MAPK10: variants seen among roughly 807,000 people sequenced by gnomAD.
MAPK10 encodes the protein mitogen-activated protein kinase 10.
MAPK10 carries 25 observed loss-of-function variants against 59.3 expected under a neutral mutation model. The observed-to-expected ratio is 0.42, with a 90% CI of 0.31 to 0.59. MAPK10 has a LOEUF of 0.59. Ranked by LOEUF, MAPK10 falls within the 20% of genes least tolerant of loss-of-function variation. MAPK10 has a pLI of 0.15. For missense variants in MAPK10, 351 were observed against 568.9 expected (o/e 0.62, Z 3.90); for synonymous variants, 190 against 200.5 (o/e 0.95, Z 0.44).
chr4:86,317,990 C>T (rs776032123), intron 2 of MAPK10, among the ~76,000 whole-genome samples: 14 of 152,294 alleles, frequency 9.2e-5, no homozygotes, highest in Admixed American at 3.9e-4. Context: ...TCACTCCAGT[C>T]TCTGCCTCTG....
intron 1 of MAPK10, among the ~76,000 whole-genome samples, chr4:86,507,725 T>C (rs1469994431): frequency 7.3e-6 from 1 of 137,308 alleles, no homozygotes; most frequent in Non-Finnish European, 1.5e-5. Context: ...AGCAATGGCA[T>C]ACAGTGGTAT....
At chr4:86,357,598 G>A (rs191997244) in intron 1 of MAPK10, 1 of 152,206 alleles carries the variant, frequency 6.6e-6, no homozygotes, top group African/African-American at 2.4e-5. Context: ...TATAGACCAT[G>A]TACTATGAAA....
intron 1 of MAPK10, among the ~76,000 whole-genome samples, chr4:86,440,599 G>A (rs1289699524): frequency 6.7e-6 from 1 of 149,856 alleles, no homozygotes; most frequent in East Asian, 2.0e-4. Flanking sequence ...CTGCACTCAA[G>A]CCTGGGTGAC....
chr4:86,069,506 A>T (rs1392939301), intron 9 of MAPK10, among the ~76,000 whole-genome samples: 1 of 152,114 alleles, frequency 6.6e-6, no homozygotes, highest in Non-Finnish European at 1.5e-5. Context: ...AAACTAAAAC[A>T]TTATATAAGG....
At chr4:86,588,700 G>C (rs1293130942) in intron 1 of MAPK10, among the ~76,000 whole-genome samples, 1 of 152,144 alleles carries the variant, frequency 6.6e-6, no homozygotes, top group Non-Finnish European at 1.5e-5. Context: ...AATTGTGAAA[G>C]ACATTGAAAT....
intron 2 of MAPK10, among the ~76,000 whole-genome samples, chr4:86,293,995 T>A (rs772378228): frequency 6.6e-5 from 10 of 152,240 alleles, no homozygotes; most frequent in Non-Finnish European, 1.3e-4. Context: ...ACAGGGAACA[T>A]GTATAACCAG....
intron 1 of MAPK10, among the ~76,000 whole-genome samples, chr4:86,492,170 C>T (rs1754504523): frequency 6.6e-6 from 1 of 152,044 alleles, no homozygotes; most frequent in African/African-American, 2.4e-5. Context: ...AGTAAGAATA[C>T]TGTCTTCAGA....
At chr4:86,155,076 A>G (rs921782934) in intron 4 of MAPK10, among the ~76,000 whole-genome samples, 5 of 152,082 alleles carry the variant, frequency 3.3e-5, no homozygotes, top group Non-Finnish European at 7.4e-5. Flanking sequence ...TGATTAAATC[A>G]GAGTGCGGAT....
intron 2 of MAPK10, among the ~76,000 whole-genome samples, chr4:86,267,662 C>T (rs1219074849): frequency 1.3e-5 from 2 of 152,058 alleles, no homozygotes; most frequent in African/African-American, 2.4e-5. Flanking sequence ...AACACACACC[C>T]GTTTCATGAT....
At chr4:86,356,590 G>T in intron 1 of MAPK10, 1 of 267,390 alleles carries the variant, frequency 3.7e-6, no homozygotes, top group Non-Finnish European at 5.8e-6. Flanking sequence ...GCCTTGATCG[G>T]TTCATGAGGA....
At chr4:86,237,474 A>G (rs1463263271) in intron 2 of MAPK10, among the ~76,000 whole-genome samples, 1 of 152,168 alleles carries the variant, frequency 6.6e-6, no homozygotes, top group Non-Finnish European at 1.5e-5. Context: ...TCCCACCAAC[A>G]GTATAAAAGC....
intron 9 of MAPK10, among the ~76,000 whole-genome samples, chr4:86,088,067 C>T (rs146347037): frequency 2.9e-4 from 44 of 152,206 alleles, no homozygotes; most frequent in African/African-American, 1.0e-3. Context: ...TCATAAGTGA[C>T]TAAGTGTAGA....
intron 13 of MAPK10, among the ~76,000 whole-genome samples, chr4:86,021,829 C>G (rs1448692979): frequency 6.6e-6 from 1 of 152,256 alleles, no homozygotes; most frequent in Non-Finnish European, 1.5e-5. Context: ...CCCAGTACAC[C>G]TTCCGCAGCC....
chr4:86,377,840 C>G (rs972767437), intron 1 of MAPK10, among the ~76,000 whole-genome samples: 2 of 152,012 alleles, frequency 1.3e-5, no homozygotes, highest in African/African-American at 2.4e-5. Context: ...GTCCGATGTT[C>G]GAGGGCAGGA....
chr4:86,547,013 C>A (rs1169475322), intron 1 of MAPK10, among the ~76,000 whole-genome samples: 1 of 152,184 alleles, frequency 6.6e-6, no homozygotes, highest in African/African-American at 2.4e-5. Context: ...GATTGCGCCA[C>A]TGCACTCCAG....
At chr4:86,093,229 G>A (rs1311888049) in intron 9 of MAPK10, among the ~76,000 whole-genome samples, 1 of 151,780 alleles carries the variant, frequency 6.6e-6, no homozygotes, top group Non-Finnish European at 1.5e-5. Flanking sequence ...CTTCTATCCT[G>A]GAAAATGTTT....
intron 1 of MAPK10, among the ~76,000 whole-genome samples, chr4:86,369,627 A>C (rs1241408751): frequency 6.6e-6 from 1 of 152,170 alleles, no homozygotes; most frequent in Admixed American, 6.6e-5. Context: ...ATTTTCTTAG[A>C]GTATCCTAAA....
chr4:86,505,143 C>A (rs1168814003), intron 1 of MAPK10, among the ~76,000 whole-genome samples: 1 of 152,090 alleles, frequency 6.6e-6, no homozygotes, highest in Non-Finnish European at 1.5e-5. Flanking sequence ...CCTGGCTAGC[C>A]AACAGCACAT....
chr4:86,205,042 A>G (rs2083487619), intron 2 of MAPK10, among the ~76,000 whole-genome samples: 1 of 152,022 alleles, frequency 6.6e-6, no homozygotes, highest in South Asian at 2.1e-4. Context: ...GAAGTCAGTG[A>G]CTATTATATT....
Sources: allele counts gnomAD v4.1 joint callset (sites outside exome capture counted in the v4.1 genomes callset), GRCh38; gene constraint gnomAD v4.1.1; transcripts MANE v1.5; gene names NCBI Gene and HGNC (gene_info 2026-07-23, HGNC 2026-07-21).